FOXJ3: variants seen among roughly 807,000 people sequenced by gnomAD.
FOXJ3 encodes forkhead box protein J3.
In FOXJ3, 22 loss-of-function variants were observed where a neutral mutation model predicts 76.1. That is an observed-to-expected ratio of 0.29 (90% confidence interval 0.21 to 0.41). FOXJ3 has a LOEUF of 0.41. Among genes scored for constraint, FOXJ3 ranks in the 10% least tolerant of loss-of-function variants. FOXJ3 has a pLI of 1.00. For missense variants in FOXJ3, 613 were observed against 762.1 expected, an observed-to-expected ratio of 0.80 and a Z score of 2.30; for synonymous variants, 269 against 261.2, an observed-to-expected ratio of 1.03 and a Z score of -0.29.
chr1:42,204,480 C>T (rs1646822772), intron 6 of FOXJ3, among the ~76,000 whole-genome samples: 1 of 152,178 alleles, frequency 6.6e-6, no homozygotes. Context: ...CTAGTAACCA[C>T]ACTATCATCT....
In FOXJ3 at chr1:42,254,027, A is replaced by G. The variant is rs369377501; in HGVS notation, c.444+11088T>C. Among the ~76,000 whole-genome samples the G allele has an allele frequency of 5.8e-3, 882 of 151,678 alleles. 3 individuals carry two copies. Among genetic ancestry groups the G allele is most frequent in the Middle Eastern group, 0.024 (7 of 294 alleles). On this transcript the variant is annotated intron_variant, in intron 4 of 12. Coordinates refer to ENST00000361346, the MANE Select transcript of FOXJ3 (RefSeq NM_014947.5). ...AAACTACCATCAGAGTGAACAGGCAACCTACAAAATGGGAGAAAATTTTCA... is the reference window on the plus strand; with the variant it reads ...AAACTACCATCAGAGTGAACAGGCAGCCTACAAAATGGGAGAAAATTTTCA...
chr1:42,313,067 G>A (rs918761836), intron 1 of FOXJ3, among the ~76,000 whole-genome samples: 17 of 152,124 alleles, frequency 1.1e-4, no homozygotes, highest in African/African-American at 3.6e-4. Flanking sequence ...GGGCGCAGTG[G>A]CTCATACCTG....
chr1:42,210,148 A>G (rs1258539015), intron 5 of FOXJ3, among the ~76,000 whole-genome samples: 1 of 152,138 alleles, frequency 6.6e-6, no homozygotes, highest in Non-Finnish European at 1.5e-5. Context: ...TGCCCCATGC[A>G]GATTATTTTA....
At chr1:42,193,461 T>C (rs1316212503) in intron 8 of FOXJ3, among the ~76,000 whole-genome samples, 3 of 152,032 alleles carry the variant, frequency 2.0e-5, no homozygotes, top group African/African-American at 4.8e-5. Flanking sequence ...ATTGTCATCA[T>C]TGTTATTTCA....
At chr1:42,211,209 T>C (rs1646960076) in intron 5 of FOXJ3, among the ~76,000 whole-genome samples, 2 of 152,176 alleles carry the variant, frequency 1.3e-5, no homozygotes, top group Admixed American at 6.5e-5. Context: ...GAGCTTGGCA[T>C]GGGTGCATCT....
chr1:42,326,768 A>C (rs1334397099), intron 1 of FOXJ3, among the ~76,000 whole-genome samples: 1 of 152,174 alleles, frequency 6.6e-6, no homozygotes, highest in Non-Finnish European at 1.5e-5. Context: ...TCTAAGTCTG[A>C]TATTATCATA....
chr1:42,316,533 A>G (rs973044193), intron 1 of FOXJ3, among the ~76,000 whole-genome samples: 2 of 151,932 alleles, frequency 1.3e-5, no homozygotes, highest in Non-Finnish European at 2.9e-5. Flanking sequence ...TTTATAATTT[A>G]CAAAAAACTT....
At chr1:42,265,420 A>G (rs900875382) in intron 3 of FOXJ3, among the ~76,000 whole-genome samples, 5 of 152,218 alleles carry the variant, frequency 3.3e-5, no homozygotes, top group Non-Finnish European at 7.3e-5. Context: ...AAAATGTAAT[A>G]TATGTAGCAT....
At position 42,273,239 on chromosome 1, in the gene FOXJ3, TA is replaced by T. The variant is rs372555702; in HGVS notation, c.369+5108del. On this transcript the variant is annotated intron_variant, in intron 3 of 12. Transcript: ENST00000361346. ...TTTTTACACAGCATAATTACTTGTT[TA>T]TATGTATTCTTCTCATCTAATAAAG... 2.4e-3 allele frequency among the ~76,000 whole-genome samples: 363 copies of T among 152,342 alleles called. 4 individuals are homozygous for T. The highest frequency in any genetic ancestry group is 0.02 in the South Asian group (96 of 4,832).
chr1:42,202,460 C>CA (rs1646781435), intron 6 of FOXJ3, among the ~76,000 whole-genome samples: 1 of 151,414 alleles, frequency 6.6e-6, no homozygotes, highest in Admixed American at 6.6e-5. Context: ...CAGTTTCAAG[C>CA]AAACTAATAA....
intron 1 of FOXJ3, among the ~76,000 whole-genome samples, chr1:42,333,014 T>C (rs1453045977): frequency 1.3e-5 from 2 of 152,150 alleles, no homozygotes; most frequent in Non-Finnish European, 2.9e-5. Flanking sequence ...ACGTATCTTA[T>C]TCGTCTCTTC....
chr1:42,328,616 G>A (rs1402929647), intron 1 of FOXJ3, among the ~76,000 whole-genome samples: 3 of 151,618 alleles, frequency 2.0e-5, no homozygotes, highest in Non-Finnish European at 4.4e-5. Context: ...TAGTCTCAAG[G>A]TCAGAGCTCT....
chr1:42,188,441 G>GT (rs1646479989), intron 11 of FOXJ3, among the ~76,000 whole-genome samples: 1 of 152,160 alleles, frequency 6.6e-6, no homozygotes, highest in African/African-American at 2.4e-5. Context: ...AAAAACGTAA[G>GT]TATCTCCAAT....
At chr1:42,324,184 TAGGA>T (rs1655670300) in intron 1 of FOXJ3, among the ~76,000 whole-genome samples, 1 of 85,666 alleles carries the variant, frequency 1.2e-5, no homozygotes, top group African/African-American at 3.8e-5. Context: ...ATATAAATTC[TAGGA>T]ATATATATAC....
intron 3 of FOXJ3, among the ~76,000 whole-genome samples, chr1:42,269,108 T>A (rs769280673): frequency 7.2e-5 from 11 of 152,118 alleles, no homozygotes; most frequent in Non-Finnish European, 1.5e-4. Flanking sequence ...TATAGCAGCC[T>A]GAATGAACTA....
At chr1:42,326,429 CT>C (rs545636450) in intron 1 of FOXJ3, among the ~76,000 whole-genome samples, 1 of 151,990 alleles carries the variant, frequency 6.6e-6, no homozygotes, top group African/African-American at 2.4e-5. Flanking sequence ...CTCTCCCAGT[CT>C]TTTTTTTCTA....
chr1:42,264,055 C>A (rs1227547661), intron 4 of FOXJ3, among the ~76,000 whole-genome samples: 3 of 144,998 alleles, frequency 2.1e-5, no homozygotes, highest in African/African-American at 2.6e-5. Flanking sequence ...TGATGACGGT[C>A]GCTACAAAAT....
chr1:42,197,163 C>T (rs973264099), intron 7 of FOXJ3, among the ~76,000 whole-genome samples: 3 of 152,108 alleles, frequency 2.0e-5, no homozygotes, highest in African/African-American at 7.2e-5. Flanking sequence ...TCCCTCAAAA[C>T]TCTGCATACA....
chr1:42,323,652 T>C (rs781090069), intron 1 of FOXJ3: 13 of 963,732 alleles, frequency 1.3e-5, no homozygotes, highest in Non-Finnish European at 1.6e-5. Context: ...TCTGTACCCA[T>C]TTCTTGCTAA....
Sources: allele counts gnomAD v4.1 joint callset (sites outside exome capture counted in the v4.1 genomes callset), GRCh38; gene constraint gnomAD v4.1.1; transcripts MANE v1.5; gene names NCBI Gene and HGNC (gene_info 2026-07-23, HGNC 2026-07-21).